LMO3: variants seen among roughly 807,000 people sequenced by gnomAD.
The protein encoded by LMO3 is LIM domain only protein 3.
In LMO3, 2 loss-of-function variants were observed where a neutral mutation model predicts 15.8. The ratio of observed to expected loss-of-function variants is 0.13; its 90% CI spans 0.05 to 0.40. The LOEUF (loss-of-function observed/expected upper bound fraction) is 0.40, where lower values mean the gene tolerates loss of function less well. Among genes scored for constraint, LMO3 ranks in the 10% least tolerant of loss-of-function variants. The pLI, the probability that LMO3 is intolerant of heterozygous loss-of-function variation, is 0.99. For synonymous variants in LMO3, 62 were observed against 63.8 expected (o/e 0.97, Z 0.13); for missense variants, 86 against 182.2 (o/e 0.47, Z 3.04).
At chr12:16,606,435 G>C (rs1441107160), upstream of LMO3, 2 of 152,332 alleles carry the variant, frequency 1.3e-5, no homozygotes, top group Non-Finnish European at 2.9e-5. Context: ...CCAAAGAAAA[G>C]GTCACTCAGT....
At chr12:16,553,331 A>T (rs1212317075) in intron 3 of LMO3, among the ~76,000 whole-genome samples, 2 of 152,182 alleles carry the variant, frequency 1.3e-5, no homozygotes, top group African/African-American at 4.8e-5. Context: ...GCAGTAAAGC[A>T]TGCAGGCTAC....
Position 16,596,857 on chromosome 12 carries a change from C to A in LMO3, c.206+3798G>T, listed in dbSNP as rs559330590. On this transcript the variant is annotated intron_variant, in intron 2 of 3. Transcript: ENST00000537304. This position sits in a 1 kb window ranked among gnomAD's most constrained non-coding sequence, Gnocchi z 4.3. ...AGACAATATCAATTTTAAGCTCCAA[C>A]TTAAAGTACAAAGATGTTTCTATAT... Among the ~76,000 whole-genome samples the A allele has an allele frequency of 2.6e-5, 4 of 151,798 alleles. No homozygotes were observed. The highest frequency in any genetic ancestry group is 7.2e-5 in the African/African-American group (3 of 41,522).
At chr12:16,574,473 A>G (rs965935039) in intron 2 of LMO3, among the ~76,000 whole-genome samples, 5 of 152,158 alleles carry the variant, frequency 3.3e-5, no homozygotes, top group African/African-American at 1.2e-4. Flanking sequence ...CCAACAGCCC[A>G]GACTAGCAGG....
In LMO3 at chr12:16,560,373, G is replaced by A; in HGVS notation, c.332+40C>T. On this transcript the variant is annotated intron_variant, in intron 3 of 3. Coordinates refer to ENST00000537304, the MANE Select transcript of LMO3 (RefSeq NM_018640.5). The surrounding 1 kb of genome is among the most constrained non-coding windows in gnomAD (Gnocchi z 5.0). Reference sequence around the variant, plus strand: ...ATTAAATAAATAGCCAGCACAGAGAGGTTAACCATTTCTTAGAGACCAAAA... The same window carrying A: ...ATTAAATAAATAGCCAGCACAGAGAAGTTAACCATTTCTTAGAGACCAAAA... 3.1e-6 allele frequency: 5 copies of A among 1,599,588 alleles called. No homozygotes were observed. The highest frequency in any genetic ancestry group is 4.3e-6 in the Non-Finnish European group (5 of 1,172,952).
intron 2 of LMO3, among the ~76,000 whole-genome samples, chr12:16,562,773 A>C (rs958409009): frequency 3.3e-5 from 5 of 152,234 alleles, no homozygotes; most frequent in African/African-American, 1.2e-4. Flanking sequence ...CTCTGGGTTA[A>C]TAACAGACAA....
chr12:16,560,324 A>C lies in LMO3; in HGVS notation c.332+89T>G. On this transcript the variant is annotated intron_variant, in intron 3 of 3. Transcript: ENST00000537304. The surrounding 1 kb of genome is among the most constrained non-coding windows in gnomAD (Gnocchi z 5.0). ...AAAAACGCTGAGATTGATTGCTTTA[A>C]ATGTATGAATATAATTTCCACCTAT... The C allele has an allele frequency of 7.2e-7, 1 of 1,387,008 alleles. No homozygotes were observed. Among genetic ancestry groups the C allele is most frequent in the Non-Finnish European group, 9.8e-7 (1 of 1,017,192 alleles). 85.9% of individuals were successfully genotyped at this position (1,387,008 alleles called of 1,614,324 possible).
chr12:16,594,346 AAAAG>A, intron 2 of LMO3: 1 of 1,288,286 alleles, frequency 7.8e-7, no homozygotes. Flanking sequence ...TAAAAAATAA[AAAAG>A]AAAGAAAAAG....
At chr12:16,605,565 C>A (rs1269299915) in intron 1 of LMO3, 5 of 640,122 alleles carry the variant, frequency 7.8e-6, no homozygotes, top group Middle Eastern at 4.4e-4. Context: ...AATATCAACT[C>A]TTTAAGAAGT....
In LMO3 at chr12:16,560,616, A is replaced by G; in HGVS notation, c.207-78T>C. ...GATCGTGAAGAGAGATGATGTTAAT[A>G]TACTCTGTAAAGCTACAATACACAA... On this transcript the variant is annotated intron_variant, in intron 2 of 3. Transcript: ENST00000537304. This position sits in a 1 kb window ranked among gnomAD's most constrained non-coding sequence, Gnocchi z 5.0. The G allele has an allele frequency of 7.9e-7, 1 of 1,271,922 alleles. No individual in the cohort carries two copies. The highest frequency in any genetic ancestry group is 1.1e-6 in the Non-Finnish European group (1 of 896,968). The allele number at this position is 1,271,922 out of a possible 1,614,324, so 78.8% of individuals were successfully genotyped here. A position where few individuals can be genotyped will look rare whatever the true frequency, so the allele number is the denominator to read the frequency against.
At chr12:16,558,181 G>A (rs1942262038) in intron 3 of LMO3, among the ~76,000 whole-genome samples, 1 of 152,032 alleles carries the variant, frequency 6.6e-6, no homozygotes, top group Admixed American at 6.6e-5. Flanking sequence ...AAATGTGAGT[G>A]TAATATTTAT....
At chr12:16,556,973 G>A (rs529839983) in intron 3 of LMO3, among the ~76,000 whole-genome samples, 19 of 152,214 alleles carry the variant, frequency 1.2e-4, no homozygotes, top group Middle Eastern at 3.4e-3. Flanking sequence ...ATAGTATTTC[G>A]CAGCAATAAG....
In LMO3 at chr12:16,589,431, TAGG is replaced by T. The variant is rs1943421893; in HGVS notation, c.206+11221_206+11223del. On this transcript the variant is annotated intron_variant, in intron 2 of 3. Coordinates refer to ENST00000537304, the MANE Select transcript of LMO3 (RefSeq NM_018640.5). This position sits in a 1 kb window ranked among gnomAD's most constrained non-coding sequence, Gnocchi z 4.2. ...TACTTGTGACTTCACAGTAAAAAAT[TAGG>T]TCGTAGTGCAGATGAAAGCCTCCGT... The T allele has an allele frequency of 1.3e-5, 2 of 152,048 alleles. No individual in the cohort carries two copies. Among genetic ancestry groups the T allele is most frequent in the African/African-American group, 4.8e-5 (2 of 41,414 alleles). 9.4% of individuals were successfully genotyped at this position (152,048 alleles called of 1,614,324 possible). A position where few individuals can be genotyped will look rare whatever the true frequency, so the allele number is the denominator to read the frequency against.
upstream of LMO3, chr12:16,608,184 C>T (rs748863150): frequency 3.4e-4 from 49 of 144,558 alleles, no homozygotes; most frequent in African/African-American, 9.8e-4. The surrounding 1 kb of genome is among the most constrained non-coding windows in gnomAD (Gnocchi z 4.1). Flanking sequence ...GTGTCTCGTG[C>T]GCTCTGTCTC....
At chr12:16,583,447 A>C (rs1256389548) in intron 2 of LMO3, among the ~76,000 whole-genome samples, 2 of 152,236 alleles carry the variant, frequency 1.3e-5, no homozygotes. Flanking sequence ...AAAAGAAGAT[A>C]CTAAAGACTG....
upstream of LMO3, chr12:16,606,234 A>G (rs1427273384): frequency 5.8e-6 from 1 of 172,752 alleles, no homozygotes; most frequent in Non-Finnish European, 1.2e-5. Flanking sequence ...GTCCTCAAGG[A>G]TACGCCAAGC....
chr12:16,561,138 A>G (rs1942390889), intron 2 of LMO3, among the ~76,000 whole-genome samples: 1 of 152,192 alleles, frequency 6.6e-6, no homozygotes, highest in African/African-American at 2.4e-5. Flanking sequence ...TAGCTAGACC[A>G]GAAATTGAAG....
At chr12:16,558,836 T>C (rs531663500) in intron 3 of LMO3, among the ~76,000 whole-genome samples, 1 of 152,294 alleles carries the variant, frequency 6.6e-6, no homozygotes, top group East Asian at 1.9e-4. Flanking sequence ...TGAGAACCTG[T>C]TGTGTTCCTG....
At chr12:16,579,398 C>A (rs1020115640) in intron 2 of LMO3, among the ~76,000 whole-genome samples, 2 of 152,102 alleles carry the variant, frequency 1.3e-5, no homozygotes, top group African/African-American at 4.8e-5. Flanking sequence ...TGATGAGAAA[C>A]AATTTTTTTG....
rs1182512831 is a variant in LMO3 at position 16,604,572 on chromosome 12, A to T, written c.-9+1494T>A. ...CAGCTCACATGCAAAATAAAAAAAA[A>T]AAATAAGAAACATACATACACTCTA... On this transcript the variant is annotated intron_variant, in intron 1 of 3. Coordinates refer to ENST00000537304, the MANE Select transcript of LMO3 (RefSeq NM_018640.5). This position sits in a 1 kb window ranked among gnomAD's most constrained non-coding sequence, Gnocchi z 5.3. 1.9e-5 allele frequency: 7 copies of T among 376,548 alleles called. No individual in the cohort carries two copies. Among genetic ancestry groups the T allele is most frequent in the Non-Finnish European group, 2.8e-5 (6 of 210,654 alleles). The allele number at this position is 376,548 out of a possible 1,614,324, so 23.3% of individuals were successfully genotyped here. A position where few individuals can be genotyped will look rare whatever the true frequency, so the allele number is the denominator to read the frequency against.
Sources: allele counts gnomAD v4.1 joint callset (sites outside exome capture counted in the v4.1 genomes callset), GRCh38; gene constraint gnomAD v4.1.1; non-coding constraint Gnocchi (gnomAD v3.1); transcripts MANE v1.5; gene names NCBI Gene and HGNC (gene_info 2026-07-23, HGNC 2026-07-21).